GGPS1: variants seen among roughly 807,000 people sequenced by gnomAD.
GGPS1 encodes geranylgeranyl pyrophosphate synthase.
Under a neutral mutation model 28.1 loss-of-function variants are expected in GGPS1, and 15 were observed. The observed-to-expected ratio is 0.53, with a 90% CI of 0.36 to 0.82. GGPS1 has a LOEUF of 0.82. Among genes scored for constraint, GGPS1 ranks in the 40% least tolerant of loss-of-function variants. The pLI, the probability that GGPS1 is intolerant of heterozygous loss-of-function variation, is 0.01. For synonymous variants in GGPS1, 138 were observed against 122.4 expected (o/e 1.13, Z -0.84); for missense variants, 284 against 348.3 (o/e 0.82, Z 1.47).
In GGPS1 at chr1:235,339,371, G is replaced by A. The variant is rs1675962638; in HGVS notation, c.71-2337G>A. Among the ~76,000 whole-genome samples the A allele has an allele frequency of 1.3e-5, 2 of 152,160 alleles. 1 individual carries two copies. Among genetic ancestry groups the A allele is most frequent in the South Asian group, 4.1e-4 (2 of 4,826 alleles). The stretch of plus-strand genomic sequence containing the variant: ...TAATCCCAGCTACTCGGGAGGCTGA[G>A]ACAGGAGAATCCCTTGAACCCAGGA... On this transcript the variant is annotated intron_variant, in intron 2 of 3. Coordinates refer to ENST00000282841, the MANE Select transcript of GGPS1 (RefSeq NM_004837.4).
At chr1:235,337,259 T>TA (rs35948736) in intron 2 of GGPS1, among the ~76,000 whole-genome samples, 41,696 of 152,106 alleles carry the variant, frequency 0.27, 6,829 homozygotes, top group South Asian at 0.52. Context: ...CTCTGCTACT[T>TA]ACAAAGCAAG....
chr1:235,340,655 G>C (rs1676009841), intron 2 of GGPS1, among the ~76,000 whole-genome samples: 1 of 138,340 alleles, frequency 7.2e-6, no homozygotes. Flanking sequence ...AGAATGGCGT[G>C]AACCCGGGAG....
intron 2 of GGPS1, among the ~76,000 whole-genome samples, chr1:235,339,054 C>G (rs951550275): frequency 6.6e-6 from 1 of 152,086 alleles, no homozygotes; most frequent in Non-Finnish European, 1.5e-5. Flanking sequence ...AATCCCTACA[C>G]TTTGGGAGGC....
chr1:235,328,512 G>GA (rs1296020378), upstream of GGPS1: 1 of 152,534 alleles, frequency 6.6e-6, no homozygotes, highest in African/African-American at 2.4e-5. Flanking sequence ...CGGGGGCGGG[G>GA]GGGAGGTGAA....
intron 1 of GGPS1, among the ~76,000 whole-genome samples, chr1:235,333,249 C>T (rs1675771548): frequency 6.6e-6 from 1 of 151,818 alleles, no homozygotes; most frequent in East Asian, 1.9e-4. Flanking sequence ...TTGAAGATTT[C>T]TAAGTCTCTG....
intron 1 of GGPS1, among the ~76,000 whole-genome samples, chr1:235,332,691 A>G (rs890932165): frequency 5.9e-5 from 9 of 152,208 alleles, no homozygotes; most frequent in Admixed American, 5.9e-4. Flanking sequence ...TAAATCCACA[A>G]AAGTCAGATT....
intron 2 of GGPS1, among the ~76,000 whole-genome samples, chr1:235,341,131 G>C (rs1676031533): frequency 6.6e-6 from 1 of 151,742 alleles, no homozygotes; most frequent in South Asian, 2.1e-4. Flanking sequence ...GGAATTCAAG[G>C]CCAGCCTGGG....
In GGPS1 at chr1:235,342,674, G is replaced by A. The variant is rs747342401; in HGVS notation, c.805G>A (p.Ala269Thr). 1.2e-6 allele frequency: 2 copies of A among 1,610,830 alleles called. No homozygotes were observed. The highest frequency in any genetic ancestry group is 1.7e-6 in the Non-Finnish European group (2 of 1,176,982). ...YTRNTLKELE[A>T]KAYKQIDARG... The stretch of plus-strand genomic sequence containing the variant: ...TCGTAATACCCTTAAAGAGCTTGAA[G>A]CTAAAGCCTATAAACAGATTGATGC... Residue 269 changes from alanine (A) to threonine (T), a missense_variant, in exon 4 of 4, where the codon GCT (alanine) becomes ACT (threonine). Coordinates refer to ENST00000282841, the MANE Select transcript of GGPS1 (RefSeq NM_004837.4).
intron 2 of GGPS1, 28 bp downstream of exon 2, chr1:235,335,362 G>A (rs747726148): frequency 9.4e-7 from 1 of 1,064,220 alleles, no homozygotes; most frequent in Admixed American, 2.0e-5. Flanking sequence ...GTCCATATAG[G>A]GTCATTTTCA....
At chr1:235,335,748 T>G (rs543498737) in intron 2 of GGPS1, among the ~76,000 whole-genome samples, 1 of 152,326 alleles carries the variant, frequency 6.6e-6, no homozygotes, top group African/African-American at 2.4e-5. Flanking sequence ...ATAAAAATAC[T>G]TAAAACATTT....
rs537210968 is a variant in GGPS1, at chr1:235,340,631, G to A, written c.71-1077G>A. On this transcript the variant is annotated intron_variant, in intron 2 of 3. Transcript: ENST00000282841. ...GGCGCCTGTAGTCCCAGCTACTCGG[G>A]AGGCTGAGGCAGGAGAATGGCGTGA... Among the ~76,000 whole-genome samples the A allele has an allele frequency of 9.1e-3, 1,371 of 150,410 alleles. 5 individuals carry two copies. Among genetic ancestry groups the A allele is most frequent in the Middle Eastern group, 0.021 (6 of 288 alleles).
intron 1 of GGPS1, chr1:235,329,800 G>C (rs1675638829): frequency 6.6e-6 from 1 of 152,336 alleles, no homozygotes; most frequent in East Asian, 1.9e-4. Context: ...CTGAAGAGTA[G>C]AGGAAGCGAA....
At position 235,328,735 on chromosome 1, in the gene GGPS1, C is replaced by G. The variant is rs1675549938; in HGVS notation, c.-67C>G. On this transcript the variant is annotated 5_prime_UTR_variant, in exon 1 of 4. Transcript: ENST00000282841. ...AGGAAGTTGATGCGGGGTACAGTTA[C>G]TCCCGGACCGGCGGCGTGAAAGTCG... The G allele has an allele frequency of 6.6e-6, 1 of 152,514 alleles. No individual in the cohort carries two copies. Among genetic ancestry groups the G allele is most frequent in the South Asian group, 2.1e-4 (1 of 4,860 alleles). 9.4% of individuals were successfully genotyped at this position (152,514 alleles called of 1,614,324 possible).
At position 235,344,485 on chromosome 1, in the gene GGPS1, A is replaced by T. The variant is rs1173991088; in HGVS notation, c.*1713A>T. 6.0e-6 allele frequency: 1 copy of T among 167,044 alleles called. No homozygotes were observed. The highest frequency in any genetic ancestry group is 1.9e-4 in the East Asian group (1 of 5,200). The allele number at this position is 167,044 out of a possible 1,614,324, so 10.3% of individuals were successfully genotyped here. On this transcript the variant is annotated 3_prime_UTR_variant, in exon 4 of 4. Transcript: ENST00000282841. ...TTTAAAAAGCATTTTTAAAAATCTA[A>T]CACTGACTATAGAAACAAATTAAAA...
At position 235,343,093 on chromosome 1, in the gene GGPS1, A is replaced by T. The variant is rs1175124828; in HGVS notation, c.*321A>T. The T allele has an allele frequency of 5.1e-6, 1 of 197,412 alleles. No individual in the cohort carries two copies. The highest frequency in any genetic ancestry group is 2.4e-5 in the African/African-American group (1 of 42,380). 12.2% of individuals were successfully genotyped at this position (197,412 alleles called of 1,614,324 possible). A position where few individuals can be genotyped will look rare whatever the true frequency, so the allele number is the denominator to read the frequency against. Reference sequence around the variant, plus strand: ...CCGTCAATAAAAAAGACTTGCTTCCAGGAATTTTTATCCATACACTTTCTA... The same window carrying T: ...CCGTCAATAAAAAAGACTTGCTTCCTGGAATTTTTATCCATACACTTTCTA... On this transcript the variant is annotated 3_prime_UTR_variant, in exon 4 of 4. Transcript: ENST00000282841.
intron 1 of GGPS1, among the ~76,000 whole-genome samples, chr1:235,331,928 C>T (rs1675728078): frequency 6.6e-6 from 1 of 152,172 alleles, no homozygotes; most frequent in African/African-American, 2.4e-5. Flanking sequence ...CCCTTGTATT[C>T]ATTGACTGCT....
At position 235,342,974 on chromosome 1, in the gene GGPS1, G is replaced by T. The variant is rs1334836807; in HGVS notation, c.*202G>T. ...TTCAAAGTTGAAAGAATCAAAAGCA[G>T]CCACAGTTATGTAGGTCTGATTTGA... On this transcript the variant is annotated 3_prime_UTR_variant, in exon 4 of 4. Transcript: ENST00000282841. 1 of 424,978 alleles carries T rather than the reference G, an allele frequency of 2.4e-6. No individual in the cohort carries two copies. The highest frequency in any genetic ancestry group is 4.3e-6 in the Non-Finnish European group (1 of 231,598). The allele number at this position is 424,978 out of a possible 1,614,324, so 26.3% of individuals were successfully genotyped here.
At chr1:235,338,384 A>G (rs1675928444) in intron 2 of GGPS1, among the ~76,000 whole-genome samples, 1 of 149,406 alleles carries the variant, frequency 6.7e-6, no homozygotes, top group Admixed American at 6.7e-5. Context: ...CCCGTCTCAG[A>G]AAAAAAAAAG....
upstream of GGPS1, chr1:235,327,284 C>G (rs1202076091): frequency 5.5e-6 from 1 of 180,686 alleles, no homozygotes; most frequent in Non-Finnish European, 1.2e-5. Context: ...GGGCCGGCCG[C>G]TCTCCCCTAG....
Sources: gnomAD v4.1 joint callset for allele counts (sites outside exome capture counted in the v4.1 genomes callset) on GRCh38, gnomAD v4.1.1 for gene constraint, MANE v1.5 for transcripts, NCBI Gene and HGNC (gene_info 2026-07-23, HGNC 2026-07-21) for gene names.